SETD1A: variants seen among roughly 807,000 people sequenced by gnomAD.
SETD1A encodes the protein SET domain containing 1A, histone lysine methyltransferase, also known as histone-lysine N-methyltransferase SETD1A.
In SETD1A, 29 loss-of-function variants were observed where a neutral mutation model predicts 149.9. The observed-to-expected ratio is 0.19, with a 90% CI of 0.14 to 0.26. The LOEUF (loss-of-function observed/expected upper bound fraction) is 0.26. Ranked by LOEUF, SETD1A falls within the 10% of genes least tolerant of loss-of-function variation. SETD1A has a pLI of 1.00. For missense variants in SETD1A, 2,109 were observed against 2,353.1 expected (o/e 0.90, Z 2.15); for synonymous variants, 1,141 against 968.5 (o/e 1.18, Z -3.31).
In SETD1A at chr16:30,980,587, A is replaced by G. The variant is rs1191993662; in HGVS notation, c.4511A>G (p.Lys1504Arg). The G allele has an allele frequency of 1.2e-6, 2 of 1,614,124 alleles. No homozygotes were observed. The highest frequency in any genetic ancestry group is 1.7e-5 in the Admixed American group (1 of 60,034). Reference protein sequence around the residue: ...ARSEGYYPISKKEKDKYLDVC... With the variant: ...ARSEGYYPISRKEKDKYLDVC... The stretch of plus-strand genomic sequence containing the variant: ...AGCGAAGGCTACTACCCCATCAGCA[A>G]GAAGGAGAAGGACAAGTACCTGGAC... The change falls in exon 15 of 19, where the codon AAG becomes AGG. Residue 1504 changes from lysine (K) to arginine (R), a missense_variant. Lys to Arg is a conservative substitution (Grantham distance 26). Around this residue, in one of 8 missense-constraint regions of SETD1A, gnomAD observed 254 missense variants for 409.3 expected, o/e 0.62. Transcript: ENST00000262519. The surrounding 1 kb of genome is among the most constrained non-coding windows in gnomAD (Gnocchi z 7.7).
chr16:30,980,050 G>T lies in SETD1A; in HGVS notation c.4264G>T (p.Glu1422Ter). The T allele has an allele frequency of 7.0e-7, 1 of 1,430,282 alleles. No homozygotes were observed. The highest frequency in any genetic ancestry group is 9.4e-7 in the Non-Finnish European group (1 of 1,065,200). 88.6% of individuals were successfully genotyped at this position (1,430,282 alleles called of 1,614,324 possible). The change falls in exon 14 of 19, where the codon GAA (glutamate) becomes TAA (stop). Residue 1422 changes from glutamate (E) to a stop codon, truncating the protein, a stop_gained. Coordinates refer to ENST00000262519, the MANE Select transcript of SETD1A (RefSeq NM_014712.3). LOFTEE classifies it high-confidence loss of function. The surrounding 1 kb of genome is among the most constrained non-coding windows in gnomAD (Gnocchi z 7.7). ...CGCCTACGAGCCACGCAGTGAGTTT[G>T]AACAGATGACCATCCTGTATGACAT... ...PRAYEPRSEFEQMTILYDIWN... is the reference protein window; with the variant it reads ...PRAYEPRSEF
chr16:30,981,009 G>A, intron 16 of SETD1A, 52 bp from the exon 17 acceptor site: 2 of 1,610,138 alleles, frequency 1.2e-6, no homozygotes, highest in Non-Finnish European at 8.5e-7. Context: ...GAAGAGTGAG[G>A]GTCTGGGGTG....
chr16:30,976,943 CTG>C (rs1160301276), intron 13 of SETD1A, among the ~76,000 whole-genome samples: 1 of 151,842 alleles, frequency 6.6e-6, no homozygotes, highest in East Asian at 1.9e-4. Flanking sequence ...TGAAGGCTCA[CTG>C]TGTTTCTTCT....
In SETD1A at chr16:30,970,051, T is replaced by C. The variant is rs144040964; in HGVS notation, c.3016+362T>C. Among the ~76,000 whole-genome samples the C allele has an allele frequency of 5.1e-3, 770 of 152,194 alleles. 5 individuals carry two copies. Among genetic ancestry groups the C allele is most frequent in the African/African-American group, 0.017 (719 of 41,518 alleles). On this transcript the variant is annotated intron_variant, in intron 12 of 18. Transcript: ENST00000262519. ...GGCGCAATCTCGGCTCACTGCAACC[T>C]CCGCCTCCTGAGTTCAAGAGATTCT...
chr16:30,964,746 C>T lies in SETD1A; in HGVS notation c.1004C>T (p.Ala335Val). 6.2e-7 allele frequency: 1 copy of T among 1,614,232 alleles called. No homozygotes were observed. The highest frequency in any genetic ancestry group is 1.3e-5 in the African/African-American group (1 of 75,056). Reference protein sequence around the residue: ...TAIAATTAATASSSASSSSLS... With the variant: ...TAIAATTAATVSSSASSSSLS... ...ATCGCCGCCACCACTGCAGCCACTGCCTCATCCTCCGCCTCTTCCTCCTCA... is the reference window on the plus strand; with the variant it reads ...ATCGCCGCCACCACTGCAGCCACTGTCTCATCCTCCGCCTCTTCCTCCTCA... Residue 335 changes from alanine to valine, a missense_variant, in exon 7 of 19, where the codon GCC becomes GTC. Ala to Val is a moderately conservative substitution (Grantham distance 64). Coordinates refer to ENST00000262519, the MANE Select transcript of SETD1A (RefSeq NM_014712.3).
In SETD1A at chr16:30,980,706, C is replaced by T. The variant is rs1335417856; in HGVS notation, c.4582-33C>T. The T allele has an allele frequency of 1.9e-6, 3 of 1,611,126 alleles. No individual in the cohort carries two copies. In the South Asian group the frequency reaches 3.3e-5, roughly 18 times the overall value. ...TCCTCCTGCCACTCACTTCCCTGCC[C>T]TGCTCACCTCCTCCCTGCCGTGTGT... On this transcript the variant is annotated intron_variant, in intron 15 of 18. Coordinates refer to ENST00000262519, the MANE Select transcript of SETD1A (RefSeq NM_014712.3). This position sits in a 1 kb window ranked among gnomAD's most constrained non-coding sequence, Gnocchi z 7.7.
At position 30,979,400 on chromosome 16, in the gene SETD1A, G is replaced by C. The variant is rs573590893; in HGVS notation, c.3614G>C (p.Arg1205Pro). 1 of 1,611,400 alleles carries C rather than the reference G, an allele frequency of 6.2e-7. No homozygotes were observed. Among genetic ancestry groups the C allele is most frequent in the Non-Finnish European group, 8.5e-7 (1 of 1,179,156 alleles). The change falls in exon 14 of 19, where the codon CGG becomes CCG. Residue 1205 changes from arginine (R) to proline (P), a missense_variant. Physicochemically the swap from Arg to Pro is moderately radical, Grantham distance 103 (BLOSUM62 -2). Transcript: ENST00000262519. ...ASRKAPRGVE[R>P]TIRNLPLDHA... ...CGCAAGGCTCCCCGGGGCGTGGAGC[G>C]GACCATCCGCAACCTGCCCCTGGAC...
At position 30,964,806 on chromosome 16, in the gene SETD1A, C is replaced by T. The variant is rs1021203285; in HGVS notation, c.1064C>T (p.Ser355Leu). Reference sequence around the variant, plus strand: ...TCCTCCTCGTCATCCTCTTCCTCCTCGTCCTCTCAGTTTCGTAGTTCTGAT... The same window carrying T: ...TCCTCCTCGTCATCCTCTTCCTCCTTGTCCTCTCAGTTTCGTAGTTCTGAT... ...SSSSSSSSSS[S>L]SSQFRSSDAN... is the part of the protein sequence containing the mutation. Residue 355 changes from serine to leucine, a missense_variant, in exon 7 of 19, where the codon TCG becomes TTG. Coordinates refer to ENST00000262519, the MANE Select transcript of SETD1A (RefSeq NM_014712.3). 22 of 1,614,054 alleles carry T rather than the reference C, an allele frequency of 1.4e-5. No individual in the cohort carries two copies. The highest frequency in any genetic ancestry group is 1.6e-4 in the Middle Eastern group (1 of 6,084).
Position 30,957,840 on chromosome 16 carries a change from G to C in SETD1A, c.-140G>C, listed in dbSNP as rs1261647135. The C allele has an allele frequency of 1.3e-5, 2 of 152,370 alleles. No homozygotes were observed. Among genetic ancestry groups the C allele is most frequent in the African/African-American group, 4.8e-5 (2 of 41,582 alleles). The allele number at this position is 152,370 out of a possible 1,614,324, so 9.4% of individuals were successfully genotyped here. On this transcript the variant is annotated 5_prime_UTR_variant, in exon 1 of 19. Transcript: ENST00000262519. ...GGCCAATCTCCAAGCTCCCTGGGCC[G>C]CAACTTCCGAGCCTCCCAGGGCGCC... is the stretch of plus-strand genomic sequence containing the variant.
chr16:30,979,720 G>T lies in SETD1A; in HGVS notation c.3934G>T (p.Ala1312Ser). The change falls in exon 14 of 19, where the codon GCG (alanine) becomes TCG (serine). Residue 1312 changes from alanine to serine, a missense_variant. Coordinates refer to ENST00000262519, the MANE Select transcript of SETD1A (RefSeq NM_014712.3). ...CCTGGCCGTCAAGCCCACGCCCCCT[G>T]CGCCAGCCCTGCGGCCCCCGGAGCC... The part of the protein sequence containing the change: ...YALAVKPTPP[A>S]PALRPPEPVP... 6.2e-7 allele frequency: 1 copy of T among 1,601,158 alleles called. No homozygotes were observed.
At chr16:30,973,059 G>A (rs1404031180) in intron 13 of SETD1A, among the ~76,000 whole-genome samples, 3 of 152,096 alleles carry the variant, frequency 2.0e-5, no homozygotes, top group African/African-American at 7.2e-5. Context: ...GGGAAGCAGC[G>A]GGTTGGAAGA....
In SETD1A at chr16:30,964,774, G is replaced by A; in HGVS notation, c.1032G>A (p.Leu344=). 6.2e-7 allele frequency: 1 copy of A among 1,614,056 alleles called. No homozygotes were observed. The change falls in exon 7 of 19, where the codon TTG becomes TTA. Residue 344 remains leucine, a synonymous_variant. Transcript: ENST00000262519. ...TASSSASSSS[L]SSSSSSSSSS... is the part of the protein sequence containing the mutation. The stretch of plus-strand genomic sequence containing the variant: ...CATCCTCCGCCTCTTCCTCCTCATT[G>A]TCCTCGTCCTCCTCGTCATCCTCTT...
At chr16:30,960,025 C>T (rs1324843878) in intron 3 of SETD1A, among the ~76,000 whole-genome samples, 1 of 152,192 alleles carries the variant, frequency 6.6e-6, no homozygotes, top group African/African-American at 2.4e-5. Context: ...TACAGCCTGG[C>T]AGCCTGTGAT....
chr16:30,961,171 C>T lies in SETD1A; in HGVS notation c.247-96C>T. ...CCTTGCCCCTCACTTTCCCGGATCT[C>T]TCTCTTGACTTCATGGAGCTTGCTA... On this transcript the variant is annotated intron_variant, in intron 3 of 18. Coordinates refer to ENST00000262519, the MANE Select transcript of SETD1A (RefSeq NM_014712.3). The surrounding 1 kb of genome is among the most constrained non-coding windows in gnomAD (Gnocchi z 4.0). 1 of 1,310,802 alleles carries T rather than the reference C, an allele frequency of 7.6e-7. No homozygotes were observed. The highest frequency in any genetic ancestry group is 1.1e-6 in the Non-Finnish European group (1 of 923,998). The allele number at this position is 1,310,802 out of a possible 1,614,324, so 81.2% of individuals were successfully genotyped here.
chr16:30,966,781 C>T, intron 8 of SETD1A, 103 bp from the exon 9 acceptor site: 1 of 1,296,158 alleles, frequency 7.7e-7, no homozygotes, highest in Non-Finnish European at 1.0e-6. Flanking sequence ...TATGGAGCAG[C>T]AAGTAGATGC....
chr16:30,977,064 C>T (rs1185513561), intron 13 of SETD1A, among the ~76,000 whole-genome samples: 4 of 152,154 alleles, frequency 2.6e-5, no homozygotes, highest in South Asian at 2.1e-4. Context: ...TCTCCTGCCT[C>T]AGCCTCCCGA....
intron 13 of SETD1A, among the ~76,000 whole-genome samples, chr16:30,973,696 G>C (rs1332349754): frequency 1.3e-5 from 2 of 152,106 alleles, no homozygotes; most frequent in African/African-American, 4.8e-5. Flanking sequence ...GCCTCCCGGG[G>C]TCTCCCAGTT....
Position 30,963,500 on chromosome 16 carries a change from T to A in SETD1A, c.585T>A (p.Thr195=), listed in dbSNP as rs1218496920. ...NGSYTPQTVP[T]GGKALSEKFQ... ...CCTACACCCCTCAGACTGTGCCCAC[T>A]GGGGGCAAGGCCCTGAGTGAGAAGT... Residue 195 remains threonine (T), a synonymous_variant, in exon 5 of 19, where the codon ACT becomes ACA. Transcript: ENST00000262519. The A allele has an allele frequency of 6.2e-7, 1 of 1,613,560 alleles. No homozygotes were observed. The highest frequency in any genetic ancestry group is 8.5e-7 in the Non-Finnish European group (1 of 1,179,758).
In SETD1A at chr16:30,961,497, C is replaced by T. The variant is rs772483847; in HGVS notation, c.477C>T (p.Ser159=). Residue 159 remains serine, a synonymous_variant, in exon 4 of 19, where the codon TCC becomes TCT. Coordinates refer to ENST00000262519, the MANE Select transcript of SETD1A (RefSeq NM_014712.3). The surrounding 1 kb of genome is among the most constrained non-coding windows in gnomAD (Gnocchi z 4.0). ...CGGTCAAAAACCTCCACCTTACCTCCGTCATGGGCAACATCATCCATGCCC... is the reference window on the plus strand; with the variant it reads ...CGGTCAAAAACCTCCACCTTACCTCTGTCATGGGCAACATCATCCATGCCC... ...KETVKNLHLT[S]VMGNIIHAQL... The T allele has an allele frequency of 1.1e-5, 17 of 1,614,018 alleles. No individual in the cohort carries two copies. The African/African-American group carries it at 1.5e-4, about 14-fold the overall frequency.
Sources: allele counts gnomAD v4.1 joint callset (sites outside exome capture counted in the v4.1 genomes callset), GRCh38; gene constraint gnomAD v4.1.1; regional missense constraint gnomAD v4.1.1; non-coding constraint Gnocchi (gnomAD v3.1); transcripts MANE v1.5; gene names NCBI Gene and HGNC (gene_info 2026-07-23, HGNC 2026-07-21).